CPQ: variants seen among roughly 807,000 people sequenced by gnomAD.
CPQ encodes the protein Ser-Met dipeptidase.
Under a neutral mutation model 45.7 loss-of-function variants are expected in CPQ, and 37 were observed. The ratio of observed to expected loss-of-function variants is 0.81; its 90% CI spans 0.62 to 1.07. The LOEUF is 1.07. Among genes scored for constraint, CPQ ranks in the 50% least tolerant of loss-of-function variants. The probability of loss-of-function intolerance (pLI) is 0.00; values close to 1 mark genes in which losing one functional copy is unlikely to be tolerated. For synonymous variants in CPQ, 186 were observed against 205.8 expected (o/e 0.90, Z 0.82); for missense variants, 537 against 572.9 (o/e 0.94, Z 0.64).
intron 1 of CPQ, among the ~76,000 whole-genome samples, chr8:96,673,159 A>G (rs1809029490): frequency 1.3e-5 from 2 of 152,196 alleles, no homozygotes; most frequent in South Asian, 4.1e-4. Flanking sequence ...TGAACAAAGA[A>G]TTGGACAAAA....
intron 6 of CPQ, among the ~76,000 whole-genome samples, chr8:97,064,711 G>A (rs10216565): frequency 6.6e-6 from 1 of 152,116 alleles, no homozygotes; most frequent in East Asian, 1.9e-4. Flanking sequence ...CAAAAGGTTA[G>A]GCAATCATTG....
chr8:97,074,771 CA>C (rs971389551), intron 7 of CPQ, among the ~76,000 whole-genome samples: 1 of 150,660 alleles, frequency 6.6e-6, no homozygotes, highest in African/African-American at 2.4e-5. Flanking sequence ...GACTCTGTCT[CA>C]AAAAAAAGAA....
intron 7 of CPQ, among the ~76,000 whole-genome samples, chr8:97,134,257 A>G (rs972762107): frequency 6.6e-6 from 1 of 152,268 alleles, no homozygotes; most frequent in African/African-American, 2.4e-5. Context: ...CCTGCTCTTA[A>G]GGAGCTTACA....
At chr8:96,993,169 A>G (rs555536095) in intron 5 of CPQ, among the ~76,000 whole-genome samples, 1 of 152,312 alleles carries the variant, frequency 6.6e-6, no homozygotes, top group South Asian at 2.1e-4. Context: ...AATCATGTTT[A>G]ATTTGCATTA....
At chr8:97,075,808 A>G (rs1810836250) in intron 7 of CPQ, among the ~76,000 whole-genome samples, 3 of 152,160 alleles carry the variant, frequency 2.0e-5, no homozygotes, top group African/African-American at 7.2e-5. Context: ...ATACAAAACT[A>G]AAATAATATC....
At chr8:97,097,121 C>T (rs1339345911) in intron 7 of CPQ, among the ~76,000 whole-genome samples, 2 of 152,200 alleles carry the variant, frequency 1.3e-5, no homozygotes, top group Non-Finnish European at 2.9e-5. Context: ...GACCTTGACC[C>T]TTCTGCTGTA....
intron 4 of CPQ, among the ~76,000 whole-genome samples, chr8:96,952,903 T>C (rs2130340747): frequency 6.6e-6 from 1 of 152,228 alleles, no homozygotes; most frequent in African/African-American, 2.4e-5. Flanking sequence ...AAGCTGGTAT[T>C]GATAGGGATC....
At chr8:96,686,718 C>A (rs1271726890) in intron 1 of CPQ, among the ~76,000 whole-genome samples, 3 of 150,330 alleles carry the variant, frequency 2.0e-5, no homozygotes, top group Non-Finnish European at 4.4e-5. Context: ...TGAAGATTTT[C>A]TTTTTTTTTC....
intron 5 of CPQ, among the ~76,000 whole-genome samples, chr8:96,970,144 G>A (rs189317098): frequency 4.4e-4 from 67 of 152,274 alleles, no homozygotes; most frequent in African/African-American, 1.5e-3. Context: ...AAAAGCCCCA[G>A]GAAATGTAAT....
At chr8:96,963,301 A>T (rs1258580304) in intron 4 of CPQ, among the ~76,000 whole-genome samples, 1 of 152,214 alleles carries the variant, frequency 6.6e-6, no homozygotes, top group Non-Finnish European at 1.5e-5. Context: ...TTTGTCCCAC[A>T]TGGGATTACA....
chr8:96,721,102 A>G (rs1362448841), intron 1 of CPQ, among the ~76,000 whole-genome samples: 1 of 151,988 alleles, frequency 6.6e-6, no homozygotes, highest in Non-Finnish European at 1.5e-5. Context: ...CGTACAGCCC[A>G]TCTCTCAGCA....
At chr8:96,745,373 G>T (rs1331381569) in intron 1 of CPQ, among the ~76,000 whole-genome samples, 1 of 152,132 alleles carries the variant, frequency 6.6e-6, no homozygotes, top group Non-Finnish European at 1.5e-5. Context: ...CAGGAAAGAA[G>T]TTCATCATCA....
At chr8:97,007,193 T>C (rs1413013530) in intron 5 of CPQ, among the ~76,000 whole-genome samples, 1 of 152,226 alleles carries the variant, frequency 6.6e-6, no homozygotes, top group Non-Finnish European at 1.5e-5. Context: ...GGAGTGTCTA[T>C]TAAGGGAGAC....
intron 6 of CPQ, 81 bp downstream of exon 6, chr8:97,029,575 A>C: frequency 2.3e-6 from 3 of 1,288,802 alleles, no homozygotes; most frequent in East Asian, 5.1e-5. Flanking sequence ...TAAGACTTCA[A>C]TAATACTTTC....
chr8:96,785,921 G>A (rs1810762533), intron 2 of CPQ, among the ~76,000 whole-genome samples: 1 of 152,040 alleles, frequency 6.6e-6, no homozygotes, highest in Non-Finnish European at 1.5e-5. Context: ...TATATCCATG[G>A]GCTAATTTCC....
chr8:96,947,995 T>C (rs1234897810), intron 4 of CPQ, among the ~76,000 whole-genome samples: 1 of 151,998 alleles, frequency 6.6e-6, no homozygotes, highest in African/African-American at 2.4e-5. Flanking sequence ...AGACCCAATA[T>C]AGCAACCAAA....
chr8:96,690,722 C>A (rs1409923801), intron 1 of CPQ, among the ~76,000 whole-genome samples: 1 of 152,158 alleles, frequency 6.6e-6, no homozygotes, highest in African/African-American at 2.4e-5. Flanking sequence ...GTGTCTGCCA[C>A]TTTTGAGTGC....
intron 1 of CPQ, among the ~76,000 whole-genome samples, chr8:96,745,840 A>G (rs1000499465): frequency 1.3e-5 from 2 of 152,240 alleles, no homozygotes; most frequent in Non-Finnish European, 2.9e-5. Flanking sequence ...GCATTTCTAA[A>G]CAGAGGTAAT....
chr8:96,905,552 T>A (rs962557779), intron 4 of CPQ, among the ~76,000 whole-genome samples: 1 of 152,042 alleles, frequency 6.6e-6, no homozygotes, highest in Non-Finnish European at 1.5e-5. Context: ...GAAAGCAGGA[T>A]GTTGAGAGCA....
Sources: gnomAD v4.1 joint callset for allele counts (sites outside exome capture counted in the v4.1 genomes callset) on GRCh38, gnomAD v4.1.1 for gene constraint, MANE v1.5 for transcripts, NCBI Gene and HGNC (gene_info 2026-07-23, HGNC 2026-07-21) for gene names.